The following PLCE1 variants were observed in gnomAD, a reference collection of about 807,000 sequenced individuals.
PLCE1 encodes the protein phospholipase C epsilon 1, also known as 1-phosphatidylinositol 4,5-bisphosphate phosphodiesterase epsilon-1.
A neutral mutation model predicts 242.8 loss-of-function variants in PLCE1; 119 were observed. The ratio of observed to expected loss-of-function variants is 0.49; its 90% CI spans 0.42 to 0.57. PLCE1 has a LOEUF of 0.57. PLCE1 is among the 20% of genes least tolerant of loss of function. The pLI, the probability that PLCE1 is intolerant of heterozygous loss-of-function variation, is 0.00. For missense variants in PLCE1, 2,441 were observed against 2,788.8 expected (o/e 0.88, Z 2.81); for synonymous variants, 945 against 1,017.4 (o/e 0.93, Z 1.35).
intron 2 of PLCE1, among the ~76,000 whole-genome samples, chr10:94,062,587 T>TC (rs1158346972): frequency 1.7e-5 from 2 of 116,804 alleles, no homozygotes; most frequent in Non-Finnish European, 1.6e-5. Flanking sequence ...GTTTTGTTTT[T>TC]TTTTTTGTTT....
At chr10:94,308,736 G>C (rs373428722) in intron 27 of PLCE1, 37 bp downstream of exon 27, 129 of 1,347,446 alleles carry the variant, frequency 9.6e-5, no homozygotes, top group Admixed American at 1.3e-4. Flanking sequence ...TATTTATGGG[G>C]ATTGCTACAC....
chr10:94,002,839 C>T (rs7071652), intron 1 of PLCE1, among the ~76,000 whole-genome samples: 31,414 of 152,116 alleles, frequency 0.21, 3,712 homozygotes, highest in Non-Finnish European at 0.26. Flanking sequence ...ATACATCATA[C>T]GCAATTTTGG....
intron 2 of PLCE1, among the ~76,000 whole-genome samples, chr10:94,085,684 G>T (rs2044795802): frequency 6.6e-6 from 1 of 152,208 alleles, no homozygotes; most frequent in African/African-American, 2.4e-5. Flanking sequence ...CTGACCATGA[G>T]TCCTAAATAG....
chr10:94,164,947 G>A (rs934517412), intron 3 of PLCE1, among the ~76,000 whole-genome samples: 1 of 152,226 alleles, frequency 6.6e-6, no homozygotes, highest in Non-Finnish European at 1.5e-5. Context: ...CTGCAGAACA[G>A]TGGATATTGG....
intron 2 of PLCE1, among the ~76,000 whole-genome samples, chr10:94,131,401 T>C (rs1590087493): frequency 6.6e-6 from 1 of 152,224 alleles, no homozygotes; most frequent in East Asian, 1.9e-4. Flanking sequence ...CACACTGCCT[T>C]GCACAGAGCA....
At chr10:94,118,727 C>T (rs1564705141) in intron 2 of PLCE1, among the ~76,000 whole-genome samples, 1 of 152,182 alleles carries the variant, frequency 6.6e-6, no homozygotes, top group Admixed American at 6.6e-5. Flanking sequence ...TCGCAAATTG[C>T]CCAATCTTGG....
chr10:94,043,292 C>G (rs996827673), intron 2 of PLCE1, among the ~76,000 whole-genome samples: 2 of 152,198 alleles, frequency 1.3e-5, no homozygotes, highest in Non-Finnish European at 2.9e-5. Context: ...GTCGAACCCG[C>G]TATGGAAACC....
intron 3 of PLCE1, among the ~76,000 whole-genome samples, chr10:94,161,761 T>G (rs982002339): frequency 6.6e-6 from 1 of 152,202 alleles, no homozygotes; most frequent in Non-Finnish European, 1.5e-5. Flanking sequence ...CTTCCAGTTT[T>G]TGCCCATTCA....
At chr10:94,117,404 C>T (rs1403454505) in intron 2 of PLCE1, among the ~76,000 whole-genome samples, 1 of 152,222 alleles carries the variant, frequency 6.6e-6, no homozygotes, top group Non-Finnish European at 1.5e-5. Context: ...TTGACTCCTA[C>T]CAGCTCTGCT....
At chr10:94,175,869 C>T (rs2048111702) in intron 4 of PLCE1, among the ~76,000 whole-genome samples, 1 of 152,106 alleles carries the variant, frequency 6.6e-6, no homozygotes, top group East Asian at 1.9e-4. Context: ...TAATGACCTT[C>T]AATTCAATTC....
intron 2 of PLCE1, among the ~76,000 whole-genome samples, chr10:94,064,368 T>C (rs1050068866): frequency 1.3e-5 from 2 of 151,996 alleles, no homozygotes; most frequent in African/African-American, 2.4e-5. Flanking sequence ...CCAGGCAACA[T>C]GGCAAAACCC....
intron 1 of PLCE1, among the ~76,000 whole-genome samples, chr10:93,999,945 G>A (rs748835601): frequency 3.9e-5 from 6 of 152,204 alleles, no homozygotes; most frequent in Non-Finnish European, 8.8e-5. Flanking sequence ...GCTGTTGTTG[G>A]TGTTCTAGCT....
intron 7 of PLCE1, among the ~76,000 whole-genome samples, chr10:94,237,775 T>C (rs1483035073): frequency 1.3e-5 from 2 of 152,222 alleles, no homozygotes; most frequent in African/African-American, 4.8e-5. Flanking sequence ...GCACTATTTC[T>C]GTGGCCATCT....
intron 5 of PLCE1, among the ~76,000 whole-genome samples, chr10:94,229,609 A>G (rs2050073765): frequency 6.6e-6 from 1 of 152,188 alleles, no homozygotes. Flanking sequence ...CATGTTCTAG[A>G]TTCTCTTATT....
At chr10:94,123,680 C>T (rs1482144272) in intron 2 of PLCE1, among the ~76,000 whole-genome samples, 1 of 152,210 alleles carries the variant, frequency 6.6e-6, no homozygotes, top group East Asian at 1.9e-4. Flanking sequence ...CACACAGACA[C>T]CCATCAGACA....
chr10:94,031,679 C>A lies in PLCE1; in HGVS notation c.633C>A (p.Asp211Glu). ...CCCTATCAGAAAACTTAATTTTAGA[C>A]GATTGTGGAAATTGTGTACCACTAC... ...FCTLSENLILDDCGNCVPLPG... is the reference protein window; with the variant it reads ...FCTLSENLILEDCGNCVPLPG... Residue 211 changes from aspartate (D) to glutamate (E), a missense_variant, in exon 2 of 33, where the codon GAC becomes GAA. Physicochemically the swap from Asp to Glu is conservative, Grantham distance 45. Around this residue, in one of 5 missense-constraint regions of PLCE1, gnomAD observed 393 missense variants for 378.5 expected, o/e 1.04. Transcript: ENST00000371380. The A allele has an allele frequency of 3.1e-6, 5 of 1,613,694 alleles. No homozygotes were observed. The highest frequency in any genetic ancestry group is 4.2e-6 in the Non-Finnish European group (5 of 1,179,804).
chr10:94,204,179 T>C (rs1488563037), intron 4 of PLCE1, among the ~76,000 whole-genome samples: 2 of 152,108 alleles, frequency 1.3e-5, no homozygotes, highest in Non-Finnish European at 2.9e-5. Context: ...GATGAAAAAG[T>C]TGGGCAGAGG....
At chr10:94,085,887 A>G (rs1450878801) in intron 2 of PLCE1, among the ~76,000 whole-genome samples, 1 of 152,232 alleles carries the variant, frequency 6.6e-6, no homozygotes, top group Non-Finnish European at 1.5e-5. Context: ...CAATGTGCCC[A>G]CAGTCAATAT....
intron 16 of PLCE1, 116 bp from the exon 17 acceptor site, chr10:94,268,813 T>C (rs2051605715): frequency 1.4e-6 from 1 of 707,250 alleles, no homozygotes; most frequent in Admixed American, 2.0e-5. Context: ...CATTTGCCCT[T>C]CTGCTTTAGT....
Sources: allele counts gnomAD v4.1 joint callset (sites outside exome capture counted in the v4.1 genomes callset), GRCh38; gene constraint gnomAD v4.1.1; regional missense constraint gnomAD v4.1.1; transcripts MANE v1.5; gene names NCBI Gene and HGNC (gene_info 2026-07-23, HGNC 2026-07-21).